PLOD2: variants seen among roughly 807,000 people sequenced by gnomAD.
PLOD2 encodes the protein procollagen-lysine,2-oxoglutarate 5-dioxygenase 2, also known as lysine hydroxylase 2.
In PLOD2, 65 loss-of-function variants were observed where a neutral mutation model predicts 101.0. That is an observed-to-expected ratio of 0.64 (90% CI 0.53 to 0.79). The LOEUF (loss-of-function observed/expected upper bound fraction) is 0.79, where lower values mean the gene tolerates loss of function less well. Among genes scored for constraint, PLOD2 ranks in the 30% least tolerant of loss-of-function variants. The pLI, the probability that PLOD2 is intolerant of heterozygous loss-of-function variation, is 0.00. For synonymous variants in PLOD2, 314 were observed against 302.9 expected (o/e 1.04, Z -0.38); for missense variants, 909 against 914.6 (o/e 0.99, Z 0.08).
intron 3 of PLOD2, among the ~76,000 whole-genome samples, chr3:146,118,847 C>T (rs1367810943): frequency 1.3e-5 from 2 of 152,142 alleles, no homozygotes; most frequent in Non-Finnish European, 2.9e-5. Flanking sequence ...AACCAGAATC[C>T]ATTAAGTTAC....
intron 1 of PLOD2, among the ~76,000 whole-genome samples, chr3:146,142,786 G>A (rs991652678): frequency 1.3e-5 from 2 of 152,016 alleles, no homozygotes; most frequent in African/African-American, 4.8e-5. Context: ...GTAATATACT[G>A]CCTAAGATTA....
intron 5 of PLOD2, 92 bp downstream of exon 5, chr3:146,106,439 TA>T: frequency 1.3e-6 from 1 of 764,838 alleles, no homozygotes. Context: ...CATACTATCA[TA>T]AAACCTTTGT....
At chr3:146,096,722 G>A (rs1351048398) in intron 7 of PLOD2, among the ~76,000 whole-genome samples, 3 of 148,848 alleles carry the variant, frequency 2.0e-5, no homozygotes, top group Admixed American at 6.6e-5. Context: ...GAGCGTCTCC[G>A]CCCGGAAGCC....
intron 1 of PLOD2, among the ~76,000 whole-genome samples, chr3:146,126,140 T>A (rs1186694663): frequency 2.0e-5 from 3 of 152,216 alleles, no homozygotes; most frequent in Non-Finnish European, 4.4e-5. Context: ...CAAAGCTTAA[T>A]CATGTGTAGT....
At chr3:146,147,210 C>A (rs2031821943) in intron 1 of PLOD2, among the ~76,000 whole-genome samples, 1 of 151,890 alleles carries the variant, frequency 6.6e-6, no homozygotes, top group Non-Finnish European at 1.5e-5. Context: ...TAAAAATCTA[C>A]AAAAAAATCA....
intron 17 of PLOD2, among the ~76,000 whole-genome samples, chr3:146,071,806 C>A (rs1203137403): frequency 6.6e-6 from 1 of 151,680 alleles, no homozygotes; most frequent in Admixed American, 6.6e-5. Flanking sequence ...TATCTGCTGT[C>A]TGTATTACCA....
At chr3:146,110,535 G>C in intron 3 of PLOD2, 87 bp from the exon 4 acceptor site, 1 of 1,046,182 alleles carries the variant, frequency 9.6e-7, no homozygotes, top group African/African-American at 1.6e-5. Flanking sequence ...ACAAAAGTCA[G>C]AATCAAGAAT....
At chr3:146,125,918 A>G (rs2030534336) in intron 1 of PLOD2, among the ~76,000 whole-genome samples, 2 of 152,200 alleles carry the variant, frequency 1.3e-5, no homozygotes, top group Admixed American at 1.3e-4. Flanking sequence ...TATCTGTAAT[A>G]AAATTACTCT....
At chr3:146,159,420 A>G (rs1036135843) in intron 1 of PLOD2, among the ~76,000 whole-genome samples, 6 of 152,232 alleles carry the variant, frequency 3.9e-5, no homozygotes, top group Non-Finnish European at 5.9e-5. Context: ...GGGTGTTGGC[A>G]ATGAAGTGGA....
intron 8 of PLOD2, among the ~76,000 whole-genome samples, chr3:146,091,152 G>GCCTACA (rs1385299348): frequency 2.6e-5 from 4 of 151,762 alleles, no homozygotes; most frequent in Non-Finnish European, 5.9e-5. Flanking sequence ...GTAGCAACAT[G>GCCTACA]CCTAGAATAT....
At chr3:146,146,081 G>A (rs546784651) in intron 1 of PLOD2, among the ~76,000 whole-genome samples, 1 of 151,980 alleles carries the variant, frequency 6.6e-6, no homozygotes, top group Non-Finnish European at 1.5e-5. Context: ...GACTTTATTA[G>A]AAATTGGTCT....
At chr3:146,159,453 AG>A (rs1412283192) in intron 1 of PLOD2, among the ~76,000 whole-genome samples, 1 of 152,242 alleles carries the variant, frequency 6.6e-6, no homozygotes, top group Non-Finnish European at 1.5e-5. Flanking sequence ...AAGGCCAAAG[AG>A]GCCTCTCTAA....
chr3:146,125,627 A>G (rs139789714), intron 1 of PLOD2, among the ~76,000 whole-genome samples: 5 of 152,024 alleles, frequency 3.3e-5, no homozygotes, highest in African/African-American at 7.2e-5. Context: ...CACACTTGTA[A>G]TCCCAGCTAC....
At chr3:146,076,157 T>C (rs1452773122) in intron 15 of PLOD2, 1 of 151,808 alleles carries the variant, frequency 6.6e-6, no homozygotes, top group African/African-American at 2.4e-5. Flanking sequence ...TGTTCACAAG[T>C]ACCCAATGTT....
chr3:146,155,013 C>T (rs1187830949), intron 1 of PLOD2, among the ~76,000 whole-genome samples: 1 of 152,124 alleles, frequency 6.6e-6, no homozygotes. Flanking sequence ...AAAACAAAAA[C>T]TTATTTGAAG....
At chr3:146,114,142 G>A (rs555364181) in intron 3 of PLOD2, among the ~76,000 whole-genome samples, 5 of 152,198 alleles carry the variant, frequency 3.3e-5, no homozygotes, top group African/African-American at 4.8e-5. Flanking sequence ...CTGATAAGAC[G>A]TTATCAATGA....
chr3:146,116,677 T>A (rs529895807), intron 3 of PLOD2, among the ~76,000 whole-genome samples: 49 of 152,270 alleles, frequency 3.2e-4, no homozygotes, highest in African/African-American at 1.2e-3. Flanking sequence ...GGAAATCCTG[T>A]TATTTGCAAC....
intron 13 of PLOD2, among the ~76,000 whole-genome samples, chr3:146,078,335 C>G (rs1427876552): frequency 6.6e-6 from 1 of 151,800 alleles, no homozygotes; most frequent in Non-Finnish European, 1.5e-5. Flanking sequence ...AGAAAACAAA[C>G]ATATTCAAAC....
At chr3:146,103,495 T>C (rs1937463008) in intron 6 of PLOD2, among the ~76,000 whole-genome samples, 1 of 151,640 alleles carries the variant, frequency 6.6e-6, no homozygotes. Flanking sequence ...GGTCTCACTT[T>C]CTGGCCCCGG....
Sources: allele counts gnomAD v4.1 joint callset (sites outside exome capture counted in the v4.1 genomes callset), GRCh38; gene constraint gnomAD v4.1.1; transcripts MANE v1.5; gene names NCBI Gene and HGNC (gene_info 2026-07-23, HGNC 2026-07-21).